The following XIRP2 variants were observed in gnomAD, a reference collection of about 807,000 sequenced individuals.
XIRP2 encodes xin actin binding repeat containing 2.
In XIRP2, 236 loss-of-function variants were observed where a neutral mutation model predicts 277.0. The observed-to-expected ratio is 0.85, with a 90% CI of 0.77 to 0.95. The LOEUF is 0.95. Ranked by LOEUF, XIRP2 falls within the 40% of genes least tolerant of loss-of-function variation. The pLI is 0.00. For synonymous variants in XIRP2, 1,490 were observed against 1,416.5 expected (o/e 1.05, Z -1.17); for missense variants, 4,640 against 4,157.5 (o/e 1.12, Z -3.19).
chr2:167,093,174 A>G (rs978997538), intron 2 of XIRP2, among the ~76,000 whole-genome samples: 3 of 151,942 alleles, frequency 2.0e-5, no homozygotes, highest in Non-Finnish European at 2.9e-5. Flanking sequence ...CTATTAATCA[A>G]TATAATGATA....
chr2:167,242,211 T>C (rs185915300), intron 8 of XIRP2, among the ~76,000 whole-genome samples: 88 of 152,338 alleles, frequency 5.8e-4, no homozygotes, highest in African/African-American at 1.9e-3. Context: ...TGTTTTAAAT[T>C]CCAAGGAAAA....
chr2:167,067,202 T>C (rs955655758), intron 2 of XIRP2, among the ~76,000 whole-genome samples: 1 of 152,138 alleles, frequency 6.6e-6, no homozygotes, highest in Non-Finnish European at 1.5e-5. Flanking sequence ...CCCAGTTACT[T>C]GATGGTCTGT....
chr2:167,014,317 G>A (rs1687764460), intron 2 of XIRP2, among the ~76,000 whole-genome samples: 1 of 151,566 alleles, frequency 6.6e-6, no homozygotes, highest in South Asian at 2.1e-4. Context: ...AGAAGAAGAA[G>A]ATGTTTCAGG....
chr2:166,978,113 ATAT>A (rs1229730520), intron 2 of XIRP2, among the ~76,000 whole-genome samples: 5 of 152,068 alleles, frequency 3.3e-5, no homozygotes, highest in African/African-American at 1.2e-4. Flanking sequence ...TGTTTTTCCA[ATAT>A]TATTGTTCAA....
chr2:167,016,514 C>T (rs1418740238), intron 2 of XIRP2, among the ~76,000 whole-genome samples: 2 of 151,974 alleles, frequency 1.3e-5, no homozygotes, highest in African/African-American at 2.4e-5. Context: ...CATCTCTTTA[C>T]AATTCATGAA....
At chr2:166,894,165 A>G (rs1684181171) in intron 1 of XIRP2, among the ~76,000 whole-genome samples, 1 of 152,174 alleles carries the variant, frequency 6.6e-6, no homozygotes, top group African/African-American at 2.4e-5. Flanking sequence ...TAGAGGCCGG[A>G]GATAATTCTT....
intron 2 of XIRP2, among the ~76,000 whole-genome samples, chr2:167,132,426 CA>C (rs1277047787): frequency 6.6e-6 from 1 of 151,984 alleles, no homozygotes; most frequent in African/African-American, 2.4e-5. Flanking sequence ...AAAATATTAA[CA>C]GTGACAAGAT....
chr2:166,979,374 T>TG (rs1686802225), intron 2 of XIRP2, among the ~76,000 whole-genome samples: 1 of 129,050 alleles, frequency 7.7e-6, no homozygotes, highest in Non-Finnish European at 1.7e-5. Context: ...CTTTTCTTTT[T>TG]TTTTTTTTTT....
chr2:167,245,095 A>C lies in XIRP2; in HGVS notation c.3703A>C (p.Asn1235His). 6.2e-7 allele frequency: 1 copy of C among 1,609,498 alleles called. No homozygotes were observed. The highest frequency in any genetic ancestry group is 8.5e-7 in the Non-Finnish European group (1 of 1,178,782). The change falls in exon 9 of 11, where the codon AAT (asparagine) becomes CAT (histidine). Residue 1235 changes from asparagine to histidine, a missense_variant. By Grantham distance (68) the Asn-to-His change is moderately conservative. Coordinates refer to ENST00000409195, the MANE Select transcript of XIRP2 (RefSeq NM_152381.6). ...AAAAACTGAAGATATTCAGAAAGGC[A>C]ATGTTTTAAATTGTAGGTGGCTTTT... ...TLKTEDIQKG[N>H]VLNCRWLFEN...
intron 2 of XIRP2, among the ~76,000 whole-genome samples, chr2:167,061,617 A>G (rs1689176289): frequency 6.6e-6 from 1 of 152,086 alleles, no homozygotes; most frequent in African/African-American, 2.4e-5. Flanking sequence ...CTCATCAAGC[A>G]AAGATGAAGT....
At chr2:166,894,375 A>G (rs1189117390) in intron 1 of XIRP2, among the ~76,000 whole-genome samples, 4 of 152,134 alleles carry the variant, frequency 2.6e-5, no homozygotes, top group Non-Finnish European at 5.9e-5. Flanking sequence ...CCTAACGTGA[A>G]TGTCAGCTCC....
At chr2:166,965,866 G>A (rs959914194) in intron 2 of XIRP2, among the ~76,000 whole-genome samples, 9 of 151,418 alleles carry the variant, frequency 5.9e-5, no homozygotes, top group Non-Finnish European at 8.8e-5. Context: ...GATTATAGAT[G>A]TGAGACACCA....
intron 3 of XIRP2, among the ~76,000 whole-genome samples, chr2:167,193,102 T>G (rs1693396454): frequency 6.6e-6 from 1 of 152,178 alleles, no homozygotes; most frequent in Non-Finnish European, 1.5e-5. Flanking sequence ...TCTGCAAAAT[T>G]TCAGGGAAAT....
intron 2 of XIRP2, among the ~76,000 whole-genome samples, chr2:166,910,825 T>C (rs1684680925): frequency 6.6e-6 from 1 of 152,342 alleles, no homozygotes; most frequent in Non-Finnish European, 1.5e-5. Context: ...TTTGTTCTCA[T>C]TGGTTTCAAA....
chr2:167,138,765 A>G (rs1444059418), intron 3 of XIRP2, among the ~76,000 whole-genome samples: 3 of 152,196 alleles, frequency 2.0e-5, no homozygotes, highest in Non-Finnish European at 4.4e-5. Flanking sequence ...TTATACTAAT[A>G]TAAAAATCTG....
intron 5 of XIRP2, among the ~76,000 whole-genome samples, chr2:167,238,981 A>T (rs547570717): frequency 6.6e-6 from 1 of 152,330 alleles, no homozygotes; most frequent in South Asian, 2.1e-4. Flanking sequence ...TTTGCAATTC[A>T]TTCAGGTTCA....
chr2:166,973,954 G>A (rs1686645326), intron 2 of XIRP2, among the ~76,000 whole-genome samples: 1 of 152,098 alleles, frequency 6.6e-6, no homozygotes, highest in Admixed American at 6.6e-5. Flanking sequence ...ATTCATTAAG[G>A]GGTCTAGTCT....
chr2:167,017,739 C>T (rs1474212736), intron 2 of XIRP2, among the ~76,000 whole-genome samples: 4 of 151,862 alleles, frequency 2.6e-5, no homozygotes, highest in Non-Finnish European at 5.9e-5. Context: ...ATTCACGTGC[C>T]AGATGCTAAT....
intron 2 of XIRP2, among the ~76,000 whole-genome samples, chr2:167,068,611 T>TA (rs1689363111): frequency 6.6e-6 from 1 of 152,042 alleles, no homozygotes; most frequent in African/African-American, 2.4e-5. Flanking sequence ...TCTTTGCTTT[T>TA]TTTTTTCCTT....
Sources: allele counts gnomAD v4.1 joint callset (sites outside exome capture counted in the v4.1 genomes callset), GRCh38; gene constraint gnomAD v4.1.1; transcripts MANE v1.5; gene names NCBI Gene and HGNC (gene_info 2026-07-23, HGNC 2026-07-21).